CKAP5: variants seen among roughly 807,000 people sequenced by gnomAD.
CKAP5 encodes the protein cytoskeleton associated protein 5.
Under a neutral mutation model 232.8 loss-of-function variants are expected in CKAP5, and 27 were observed. The observed-to-expected ratio is 0.12, with a 90% CI of 0.09 to 0.16. The LOEUF is 0.16. CKAP5 is among the 10% of genes least tolerant of loss of function. CKAP5 has a pLI of 1.00. For missense variants in CKAP5, 1,838 were observed against 2,424.7 expected, an observed-to-expected ratio of 0.76 and a Z score of 5.08; for synonymous variants, 785 against 841.1, an observed-to-expected ratio of 0.93 and a Z score of 1.16.
In CKAP5 at chr11:46,759,269, T is replaced by C. The variant is rs2065136966; in HGVS notation, c.4568A>G (p.Lys1523Arg). The C allele has an allele frequency of 6.2e-7, 1 of 1,611,748 alleles. No individual in the cohort carries two copies. Residue 1523 changes from lysine to arginine, a missense_variant and splice_region_variant, in exon 34 of 44, where the codon AAG (lysine) becomes AGG (arginine). Physicochemically the swap from Lys to Arg is conservative, Grantham distance 26 (BLOSUM62 2). Coordinates refer to ENST00000529230, the MANE Select transcript of CKAP5 (RefSeq NM_001008938.4). ...ATTTAAATGAAAGAGTTTAACTCACTTGGGTTCAGGAATAAGGACTGGCTC... is the reference window on the plus strand; with the variant it reads ...ATTTAAATGAAAGAGTTTAACTCACCTGGGTTCAGGAATAAGGACTGGCTC... ...IFEPVLIPEP[K>R]IRAVSPHFDD...
chr11:46,746,204 G>A (rs2065020785), intron 42 of CKAP5, among the ~76,000 whole-genome samples: 3 of 152,166 alleles, frequency 2.0e-5, no homozygotes, highest in Admixed American at 1.3e-4. Flanking sequence ...GCATAGAACT[G>A]ATGAGAGGGC....
intron 1 of CKAP5, among the ~76,000 whole-genome samples, chr11:46,842,764 G>A (rs933190132): frequency 6.7e-6 from 1 of 150,036 alleles, no homozygotes; most frequent in Non-Finnish European, 1.5e-5. Context: ...TCAGGAGATC[G>A]AGACCATCCT....
chr11:46,777,423 A>G lies in CKAP5; in HGVS notation c.2862+16T>C. The G allele has an allele frequency of 6.6e-7, 1 of 1,515,868 alleles. No individual in the cohort carries two copies. The highest frequency in any genetic ancestry group is 1.1e-5 in the South Asian group (1 of 88,828). 93.9% of individuals were successfully genotyped at this position (1,515,868 alleles called of 1,614,324 possible). On this transcript the variant is annotated intron_variant, in intron 23 of 43. Coordinates refer to ENST00000529230, the MANE Select transcript of CKAP5 (RefSeq NM_001008938.4). ...CTATTCCAGAATGGAGGCATGGTGA[A>G]AAGAGTTAGGTTTACCTTGCTGTCT...
At chr11:46,802,745 C>T (rs991354924) in intron 8 of CKAP5, among the ~76,000 whole-genome samples, 2 of 152,068 alleles carry the variant, frequency 1.3e-5, no homozygotes, top group Non-Finnish European at 2.9e-5. Context: ...AAGCAGAATG[C>T]TTTATTCTAG....
At chr11:46,788,608 C>T (rs2065419481) in intron 16 of CKAP5, 73 bp downstream of exon 16, 2 of 876,276 alleles carry the variant, frequency 2.3e-6, no homozygotes, top group African/African-American at 3.5e-5. Context: ...AACTATTCTG[C>T]TGTATTACTC....
chr11:46,815,689 T>A (rs1432939670), intron 4 of CKAP5, among the ~76,000 whole-genome samples: 1 of 152,208 alleles, frequency 6.6e-6, no homozygotes, highest in Non-Finnish European at 1.5e-5. Flanking sequence ...ACAACACACT[T>A]GAAGGCTAAA....
At chr11:46,829,442 G>T (rs970710924) in intron 1 of CKAP5, among the ~76,000 whole-genome samples, 15 of 152,196 alleles carry the variant, frequency 9.9e-5, no homozygotes, top group African/African-American at 3.1e-4. Flanking sequence ...CTACTCGGGA[G>T]GCTAAGGTAG....
chr11:46,795,506 C>T (rs1938850092), intron 13 of CKAP5, 88 bp downstream of exon 13: 3 of 1,099,248 alleles, frequency 2.7e-6, no homozygotes, highest in East Asian at 4.9e-5. Context: ...GAATTCATTT[C>T]TCAAACAAAA....
rs57602333 is a variant in CKAP5 at position 46,829,838 on chromosome 11, ATGTGTGTGTGTGTGTGTGTGTG to A, written c.-37-8592_-37-8571del. ...ATATGAAGTCTAATTCCTTTTTTGT[ATGTGTGTGTGTGTGTGTGTGTG>A]TGTGTGTGTGTGTGTGTGTGTGTAT... On this transcript the variant is annotated intron_variant, in intron 1 of 43. Transcript: ENST00000529230. 3.5e-5 allele frequency among the ~76,000 whole-genome samples: 5 copies of A among 143,128 alleles called. No homozygotes were observed. The South Asian group carries it at 6.8e-4, about 19-fold the overall frequency. The allele number at this position is 143,128 out of a possible 152,430, so 93.9% of individuals were successfully genotyped here.
intron 2 of CKAP5, among the ~76,000 whole-genome samples, chr11:46,819,573 A>G (rs1215374150): frequency 1.3e-5 from 2 of 152,222 alleles, no homozygotes; most frequent in Non-Finnish European, 2.9e-5. Flanking sequence ...TATTAGATCA[A>G]AGAGACAGAA....
intron 11 of CKAP5, 49 bp downstream of exon 11, chr11:46,797,756 A>G (rs1938914016): frequency 6.5e-7 from 1 of 1,543,938 alleles, no homozygotes; most frequent in Non-Finnish European, 8.8e-7. Flanking sequence ...CAGGAAAAGA[A>G]TCTTGCCTAG....
intron 8 of CKAP5, among the ~76,000 whole-genome samples, chr11:46,806,125 A>C (rs1291204812): frequency 6.6e-6 from 1 of 152,110 alleles, no homozygotes; most frequent in Non-Finnish European, 1.5e-5. Context: ...CCACGTGAAA[A>C]GGGAAAGAAG....
intron 28 of CKAP5, 52 bp from the exon 29 acceptor site, chr11:46,763,682 G>C: frequency 4.6e-6 from 6 of 1,306,664 alleles, no homozygotes; most frequent in Non-Finnish European, 6.1e-6. Flanking sequence ...ACTGAAATGA[G>C]GTAGAGAGCC....
At chr11:46,761,066 T>C (rs1242595779) in intron 32 of CKAP5, among the ~76,000 whole-genome samples, 1 of 151,920 alleles carries the variant, frequency 6.6e-6, no homozygotes, top group Non-Finnish European at 1.5e-5. Context: ...TTGGGCAACA[T>C]GGTGAAACCC....
chr11:46,816,222 A>G lies in CKAP5; in HGVS notation c.434T>C (p.Ile145Thr). Residue 145 changes from isoleucine to threonine, a missense_variant, in exon 4 of 44, where the codon ATA (isoleucine) becomes ACA (threonine). Around this residue, in one of 6 missense-constraint regions of CKAP5, gnomAD observed 285 missense variants for 300.0 expected, o/e 0.95. Transcript: ENST00000529230. ...CCTTAAGGCTTTCCTCAGTGTCTCTATACAGGCCACTATGATCTTGGGATT... is the reference window on the plus strand; with the variant it reads ...CCTTAAGGCTTTCCTCAGTGTCTCTGTACAGGCCACTATGATCTTGGGATT... ...NKNPKIIVAC[I>T]ETLRKALSEF... 5 of 1,613,964 alleles carry G rather than the reference A, an allele frequency of 3.1e-6. No homozygotes were observed. The highest frequency in any genetic ancestry group is 2.2e-5 in the East Asian group (1 of 44,870).
chr11:46,765,275 G>A lies in CKAP5; in HGVS notation c.3412-19C>T, dbSNP rs772679218. On this transcript the variant is annotated intron_variant, in intron 27 of 43. Coordinates refer to ENST00000529230, the MANE Select transcript of CKAP5 (RefSeq NM_001008938.4). ...GTGCACTCTACAACCAAGGTTCAGG[G>A]AATACTGATTAGCTTGGCCACTTCT... 4 of 1,590,364 alleles carry A rather than the reference G, an allele frequency of 2.5e-6. No individual in the cohort carries two copies. The highest frequency in any genetic ancestry group is 3.4e-6 in the Non-Finnish European group (4 of 1,169,404).
chr11:46,744,909 T>C (rs2065011476), intron 42 of CKAP5, among the ~76,000 whole-genome samples: 1 of 152,198 alleles, frequency 6.6e-6, no homozygotes, highest in Admixed American at 6.5e-5. Context: ...ATACTGTAAT[T>C]GCCCAACTGA....
At chr11:46,841,617 G>A (rs1940053971) in intron 1 of CKAP5, among the ~76,000 whole-genome samples, 1 of 152,162 alleles carries the variant, frequency 6.6e-6, no homozygotes, top group Non-Finnish European at 1.5e-5. Context: ...ATTACTAAAG[G>A]TAAAAGTTAT....
intron 18 of CKAP5, among the ~76,000 whole-genome samples, chr11:46,781,383 C>T (rs1050100063): frequency 6.6e-6 from 1 of 151,618 alleles, no homozygotes; most frequent in Admixed American, 6.6e-5. Context: ...CTTTGATCTC[C>T]TCTCTGTCTT....
Sources: allele counts gnomAD v4.1 joint callset (sites outside exome capture counted in the v4.1 genomes callset), GRCh38; gene constraint gnomAD v4.1.1; regional missense constraint gnomAD v4.1.1; transcripts MANE v1.5; gene names NCBI Gene and HGNC (gene_info 2026-07-23, HGNC 2026-07-21).